The following ACOT7 variants were observed in gnomAD, a reference collection of about 807,000 sequenced individuals.
ACOT7 encodes acyl-CoA thioesterase 7, also known as cytosolic acyl coenzyme A thioester hydrolase.
Under a neutral mutation model 40.2 loss-of-function variants are expected in ACOT7, and 12 were observed. The observed-to-expected ratio is 0.30, with a 90% CI of 0.19 to 0.48. The LOEUF (loss-of-function observed/expected upper bound fraction) is 0.48, where lower values mean the gene tolerates loss of function less well. Ranked by LOEUF, ACOT7 falls within the 20% of genes least tolerant of loss-of-function variation. The pLI is 0.99. For missense variants in ACOT7, 395 were observed against 530.8 expected (o/e 0.74, Z 2.51); for synonymous variants, 228 against 219.5 (o/e 1.04, Z -0.34).
Position 6,385,691 on chromosome 1 carries a change from T to C in ACOT7, c.143+7566A>G. ...TCCTGCGGTAAGTGGGCAAACTGTT[T>C]ACCCAGTGACAAGTATGATGCCCAG... On this transcript the variant is annotated intron_variant, in intron 1 of 8. Coordinates refer to ENST00000361521, the MANE Select transcript of ACOT7 (RefSeq NM_007274.4). 1.2e-6 allele frequency: 2 copies of C among 1,606,074 alleles called. 1 individual carries two copies. Among genetic ancestry groups the C allele is most frequent in the Non-Finnish European group, 1.7e-6 (2 of 1,176,478 alleles).
At chr1:6,284,433 G>A (rs986375858) in intron 7 of ACOT7, among the ~76,000 whole-genome samples, 4 of 151,924 alleles carry the variant, frequency 2.6e-5, no homozygotes, top group Non-Finnish European at 5.9e-5. Context: ...AAAATTAGCC[G>A]GGCATGGTGG....
rs184311888 is a variant in ACOT7 at position 6,317,649 on chromosome 1, C to T, written c.712+843G>A. 2.1e-3 allele frequency among the ~76,000 whole-genome samples: 324 copies of T among 152,230 alleles called. 1 individual carries two copies. Among genetic ancestry groups the T allele is most frequent in the South Asian group, 9.1e-3 (44 of 4,812 alleles). On this transcript the variant is annotated intron_variant, in intron 6 of 8. Transcript: ENST00000361521. The stretch of plus-strand genomic sequence containing the variant: ...ATCTCACAGCTATCAGATCCCGGGG[C>T]TGCATGTGAGCCTCCCCAGGGACGC...
At chr1:6,351,052 T>A (rs1270471309) in intron 1 of ACOT7, among the ~76,000 whole-genome samples, 1 of 152,140 alleles carries the variant, frequency 6.6e-6, no homozygotes, top group African/African-American at 2.4e-5. Context: ...ATTTTTCCCT[T>A]TTTGGTAAGT....
At chr1:6,316,889 GC>G (rs770960137) in intron 6 of ACOT7, among the ~76,000 whole-genome samples, 10 of 152,100 alleles carry the variant, frequency 6.6e-5, no homozygotes, top group Non-Finnish European at 1.3e-4. Context: ...TCTGCAAGGT[GC>G]CCCTTTGACT....
intron 7 of ACOT7, among the ~76,000 whole-genome samples, chr1:6,292,011 G>A (rs1002256626): frequency 6.6e-6 from 1 of 152,126 alleles, no homozygotes; most frequent in Non-Finnish European, 1.5e-5. Context: ...CACAGCCCTC[G>A]CCTCCCTGCA....
chr1:6,305,929 G>C (rs1299810524), intron 6 of ACOT7, among the ~76,000 whole-genome samples: 18 of 152,206 alleles, frequency 1.2e-4, no homozygotes, highest in African/African-American at 4.3e-4. Flanking sequence ...GACTCCGTCT[G>C]CAATCCCGGC....
chr1:6,278,097 AG>A lies in ACOT7; in HGVS notation c.1014+3004del, dbSNP rs374262174. Among the ~76,000 whole-genome samples, 475 of 108,098 alleles carry A rather than the reference AG, an allele frequency of 4.4e-3. 4 individuals carry two copies. Among genetic ancestry groups the A allele is most frequent in the African/African-American group, 0.018 (438 of 24,518 alleles). 70.9% of individuals were successfully genotyped at this position (108,098 alleles called of 152,430 possible). A position where few individuals can be genotyped will look rare whatever the true frequency, so the allele number is the denominator to read the frequency against. ...TCTGCAGTGGCGGGGGGTGGTTGGG[AG>A]GGGGTCTGGGGTGGCGGAGGCGACG... On this transcript the variant is annotated intron_variant, in intron 8 of 8. Coordinates refer to ENST00000361521, the MANE Select transcript of ACOT7 (RefSeq NM_007274.4). This position sits in a 1 kb window ranked among gnomAD's most constrained non-coding sequence, Gnocchi z 4.1.
chr1:6,379,294 T>C (rs1642291780), intron 1 of ACOT7, among the ~76,000 whole-genome samples: 1 of 151,864 alleles, frequency 6.6e-6, no homozygotes, highest in African/African-American at 2.4e-5. Flanking sequence ...TGGCCTCCAC[T>C]TGCCAGCTGT....
chr1:6,332,041 C>T (rs768405477), intron 4 of ACOT7, among the ~76,000 whole-genome samples: 249 of 152,328 alleles, frequency 1.6e-3, no homozygotes, highest in Non-Finnish European at 2.1e-3. Flanking sequence ...GGCCTGCACC[C>T]GGCAAACGCT....
chr1:6,383,880 A>G lies in ACOT7; in HGVS notation c.143+9377T>C, dbSNP rs533156410. On this transcript the variant is annotated intron_variant, in intron 1 of 8. Transcript: ENST00000361521. ...CCACCACACTCGGCTAATTTTTTGT[A>G]TTTTTGGTAAAGATGGGGTTTCCCT... Among the ~76,000 whole-genome samples the G allele has an allele frequency of 1.9e-4, 29 of 151,338 alleles. No individual in the cohort carries two copies. In the South Asian group the frequency reaches 3.8e-3, roughly 20 times the overall value.
intron 1 of ACOT7, among the ~76,000 whole-genome samples, chr1:6,392,748 C>T (rs1642553256): frequency 6.6e-6 from 1 of 152,218 alleles, no homozygotes. Context: ...CCCACAGGGG[C>T]ACCCACCGAG....
chr1:6,298,058 G>T (rs1219185205), intron 6 of ACOT7, among the ~76,000 whole-genome samples: 1 of 152,108 alleles, frequency 6.6e-6, no homozygotes, highest in Non-Finnish European at 1.5e-5. Context: ...GTTCACGCTC[G>T]CTGCACTTTC....
At chr1:6,362,641 G>A (rs61763928) in intron 1 of ACOT7, among the ~76,000 whole-genome samples, 11,057 of 152,188 alleles carry the variant, frequency 0.073, 640 homozygotes, top group African/African-American at 0.15. Context: ...TAGAATGGGA[G>A]GCCACATCCC....
At chr1:6,336,283 G>A (rs901480970) in intron 3 of ACOT7, among the ~76,000 whole-genome samples, 10 of 140,976 alleles carry the variant, frequency 7.1e-5, no homozygotes, top group Admixed American at 1.5e-4. Flanking sequence ...GTAGTGAGCC[G>A]AGATTGCGCC....
At chr1:6,363,403 C>G (rs1641932078) in intron 1 of ACOT7, among the ~76,000 whole-genome samples, 1 of 152,152 alleles carries the variant, frequency 6.6e-6, no homozygotes, top group Non-Finnish European at 1.5e-5. Flanking sequence ...TCCTCCACCT[C>G]TTGTGGAGGG....
intron 6 of ACOT7, among the ~76,000 whole-genome samples, chr1:6,297,270 T>A (rs1429843026): frequency 6.6e-6 from 1 of 152,108 alleles, no homozygotes; most frequent in Non-Finnish European, 1.5e-5. Flanking sequence ...ACTCCTGACC[T>A]CAGGTTATCT....
rs1361062007 is a variant in ACOT7, at chr1:6,294,942, C to T, written c.751G>A (p.Val251Met). The T allele has an allele frequency of 1.9e-6, 3 of 1,614,082 alleles. No homozygotes were observed. The highest frequency in any genetic ancestry group is 3.3e-5 in the Admixed American group (2 of 60,026). ...TTGGTCTTGCAGTGGCGTGCAGCCA[C>T]GATCCCGGCGACCTCATCCATGAGC... is the stretch of plus-strand genomic sequence containing the variant. The part of the protein sequence containing the change: ...MKLMDEVAGI[V>M]AARHCKTNIV... Residue 251 changes from valine to methionine, a missense_variant, in exon 7 of 9, where the codon GTG becomes ATG. Around this residue, in one of 2 missense-constraint regions of ACOT7, gnomAD observed 309 missense variants for 470.3 expected, o/e 0.66. Transcript: ENST00000361521. The surrounding 1 kb of genome is among the most constrained non-coding windows in gnomAD (Gnocchi z 4.6).
chr1:6,289,576 G>A lies in ACOT7; in HGVS notation c.829+5288C>T, dbSNP rs1438061125. Among the ~76,000 whole-genome samples, 1 of 152,142 alleles carries A rather than the reference G, an allele frequency of 6.6e-6. No individual in the cohort carries two copies. Among genetic ancestry groups the A allele is most frequent in the Admixed American group, 6.5e-5 (1 of 15,270 alleles). On this transcript the variant is annotated intron_variant, in intron 7 of 8. Coordinates refer to ENST00000361521, the MANE Select transcript of ACOT7 (RefSeq NM_007274.4). The surrounding 1 kb of genome is among the most constrained non-coding windows in gnomAD (Gnocchi z 4.6). ...TTTTGTAGAGATGGGGCCTCACCAT[G>A]TTGCCCAGGCTGGTCTCAAACTCCA...
rs2148487407 is a variant in ACOT7 at position 6,393,422 on chromosome 1, G to A, written c.-23C>T. On this transcript the variant is annotated 5_prime_UTR_variant, in exon 1 of 9. Coordinates refer to ENST00000361521, the MANE Select transcript of ACOT7 (RefSeq NM_007274.4). ...CATAAAGGGGGAGGGCAGAGGTGGAGCGATGGGGCTGGTGAGGCGGGGCCT... is the reference window on the plus strand; with the variant it reads ...CATAAAGGGGGAGGGCAGAGGTGGAACGATGGGGCTGGTGAGGCGGGGCCT... 2.5e-6 allele frequency: 3 copies of A among 1,221,426 alleles called. No homozygotes were observed. In the Admixed American group the frequency reaches 1.3e-4, roughly 54 times the overall value. 75.7% of individuals were successfully genotyped at this position (1,221,426 alleles called of 1,614,324 possible). A position where few individuals can be genotyped will look rare whatever the true frequency, so the allele number is the denominator to read the frequency against.
Sources: gnomAD v4.1 joint callset for allele counts (sites outside exome capture counted in the v4.1 genomes callset) on GRCh38, gnomAD v4.1.1 for gene constraint, gnomAD v4.1.1 regional missense constraint, Gnocchi (gnomAD v3.1) non-coding constraint, MANE v1.5 for transcripts, NCBI Gene and HGNC (gene_info 2026-07-23, HGNC 2026-07-21) for gene names.